The following MFAP5 variants were observed in gnomAD, a reference collection of about 807,000 sequenced individuals.
The protein encoded by MFAP5 is microfibrillar-associated protein 5.
Under a neutral mutation model 30.1 loss-of-function variants are expected in MFAP5, and 19 were observed. The observed-to-expected ratio is 0.63, with a 90% confidence interval of 0.44 to 0.93. The LOEUF is 0.93. Ranked by LOEUF, MFAP5 falls within the 40% of genes least tolerant of loss-of-function variation. MFAP5 has a pLI of 0.00. For missense variants in MFAP5, 210 were observed against 221.3 expected (o/e 0.95, Z 0.32); for synonymous variants, 92 against 72.9 (o/e 1.26, Z -1.33).
At chr12:8,657,103 C>G (rs1018362744) in intron 3 of MFAP5, among the ~76,000 whole-genome samples, 1 of 152,134 alleles carries the variant, frequency 6.6e-6, no homozygotes, top group Non-Finnish European at 1.5e-5. Flanking sequence ...ACTTTATACA[C>G]ATCTATCAAA....
intron 3 of MFAP5, among the ~76,000 whole-genome samples, chr12:8,659,811 A>G (rs2136481271): frequency 6.6e-6 from 1 of 152,364 alleles, no homozygotes; most frequent in South Asian, 2.1e-4. Flanking sequence ...CTTGCAAAAC[A>G]CATGCAATGC....
At chr12:8,659,134 C>A (rs377129217) in intron 3 of MFAP5, among the ~76,000 whole-genome samples, 7 of 151,774 alleles carry the variant, frequency 4.6e-5, no homozygotes, top group South Asian at 4.2e-4. Flanking sequence ...CACGGTGAAA[C>A]CCTGTCTCTA....
intron 3 of MFAP5, among the ~76,000 whole-genome samples, chr12:8,657,346 G>T (rs1217801258): frequency 7.2e-5 from 11 of 151,994 alleles, no homozygotes; most frequent in Middle Eastern, 3.4e-3. Flanking sequence ...TTGAACCCAG[G>T]AGGCAGAGGT....
rs115809803 is a variant in MFAP5, at chr12:8,650,223, A to G, written c.335+279T>C. 3.1e-3 allele frequency among the ~76,000 whole-genome samples: 479 copies of G among 152,148 alleles called. 1 individual carries two copies. Among genetic ancestry groups the G allele is most frequent in the African/African-American group, 0.011 (454 of 41,486 alleles). ...CCATTCTCTTCAGTCTCCTTCTATC[A>G]GGTAATAAATTGAGCATGCCAGTAT... On this transcript the variant is annotated intron_variant, in intron 8 of 9. Transcript: ENST00000359478.
At chr12:8,655,933 A>G (rs1941969752) in intron 3 of MFAP5, 103 bp from the exon 4 acceptor site, 1 of 935,202 alleles carries the variant, frequency 1.1e-6, no homozygotes, top group Non-Finnish European at 1.7e-6. Flanking sequence ...AGCGGAGTTG[A>G]GTATCCCACA....
chr12:8,649,590 T>G lies in MFAP5; in HGVS notation c.336-16A>C, dbSNP rs1015841546. The G allele has an allele frequency of 8.1e-6, 13 of 1,611,788 alleles. No individual in the cohort carries two copies. The highest frequency in any genetic ancestry group is 1.1e-5 in the Non-Finnish European group (13 of 1,178,218). On this transcript the variant is annotated splice_polypyrimidine_tract_variant and intron_variant, in intron 8 of 9. Coordinates refer to ENST00000359478, the MANE Select transcript of MFAP5 (RefSeq NM_003480.4). Reference sequence around the variant, plus strand: ...ACGTCGTAAACTGCAGACGTCCCAGTGTCATAGGCAAGGAAGGAGATGGAA... The same window carrying G: ...ACGTCGTAAACTGCAGACGTCCCAGGGTCATAGGCAAGGAAGGAGATGGAA...
intron 3 of MFAP5, among the ~76,000 whole-genome samples, chr12:8,656,737 C>T (rs151178890): frequency 6.7e-6 from 1 of 150,010 alleles, no homozygotes; most frequent in African/African-American, 2.5e-5. Context: ...CGCACGATCT[C>T]GGCTCACTGC....
chr12:8,651,481 T>G (rs1315020736), intron 7 of MFAP5, among the ~76,000 whole-genome samples, 181 bp downstream of exon 7: 4 of 152,170 alleles, frequency 2.6e-5, no homozygotes, highest in African/African-American at 4.8e-5. Flanking sequence ...TCCCCTTGAC[T>G]TTTATGACAG....
intron 6 of MFAP5, 105 bp from the exon 7 acceptor site, chr12:8,651,796 G>A: frequency 1.0e-6 from 1 of 974,302 alleles, no homozygotes; most frequent in Admixed American, 1.8e-5. Context: ...CCCATAAATA[G>A]GGAGCAAATG....
intron 6 of MFAP5, among the ~76,000 whole-genome samples, chr12:8,652,820 T>C (rs960519914): frequency 8.5e-5 from 13 of 152,304 alleles, no homozygotes; most frequent in African/African-American, 3.1e-4. Flanking sequence ...ACAGACTTAA[T>C]TATCTTTCCC....
In MFAP5 at chr12:8,662,685, C is replaced by T. The variant is rs922495385; in HGVS notation, c.-61G>A. On this transcript the variant is annotated 5_prime_UTR_variant, in exon 1 of 10. Coordinates refer to ENST00000359478, the MANE Select transcript of MFAP5 (RefSeq NM_003480.4). ...TTTGGCTGCTGAATGTGTCTCTCTC[C>T]TCTTACGCTGTTCCTACTTTGGCTG... 1 of 151,704 alleles carries T rather than the reference C, an allele frequency of 6.6e-6. No homozygotes were observed. Among genetic ancestry groups the T allele is most frequent in the African/African-American group, 2.5e-5 (1 of 40,120 alleles). The allele number at this position is 151,704 out of a possible 1,614,324, so 9.4% of individuals were successfully genotyped here.
chr12:8,651,031 G>C (rs750725777), intron 7 of MFAP5, among the ~76,000 whole-genome samples: 12 of 152,226 alleles, frequency 7.9e-5, no homozygotes, highest in African/African-American at 2.9e-4. Flanking sequence ...GCCAGGAGTG[G>C]TGGCAGTTGC....
At chr12:8,653,681 G>C (rs1941901928) in intron 6 of MFAP5, among the ~76,000 whole-genome samples, 1 of 152,072 alleles carries the variant, frequency 6.6e-6, no homozygotes, top group Non-Finnish European at 1.5e-5. Flanking sequence ...GTCTTCCATA[G>C]CTTCTCTTGC....
chr12:8,654,216 C>T (rs1941920004), intron 6 of MFAP5: 1 of 456,890 alleles, frequency 2.2e-6, no homozygotes, highest in Admixed American at 3.8e-5. Context: ...CTTGCCTTTA[C>T]CCATCAAGTC....
At chr12:8,657,607 TC>T (rs1399985250) in intron 3 of MFAP5, among the ~76,000 whole-genome samples, 2 of 141,854 alleles carry the variant, frequency 1.4e-5, no homozygotes, top group Non-Finnish European at 3.1e-5. Context: ...TCTCGCCCTA[TC>T]GCCCAGGCTG....
At position 8,646,630 on chromosome 12, in the gene MFAP5, A is replaced by G. The variant is rs1941687732; in HGVS notation, c.*1461T>C. ...GGAAATCTTAGAACTAAGAATATAT[A>G]TAATATATATATATATTTCTTAAGA... is the stretch of plus-strand genomic sequence containing the variant. On this transcript the variant is annotated 3_prime_UTR_variant, in exon 10 of 10. Coordinates refer to ENST00000359478, the MANE Select transcript of MFAP5 (RefSeq NM_003480.4). The G allele has an allele frequency of 6.6e-6, 1 of 151,344 alleles. No individual in the cohort carries two copies. The allele number at this position is 151,344 out of a possible 1,614,324, so 9.4% of individuals were successfully genotyped here.
chr12:8,651,162 A>G (rs112238607), intron 7 of MFAP5, among the ~76,000 whole-genome samples: 2,379 of 152,240 alleles, frequency 0.016, 56 homozygotes, highest in African/African-American at 0.054. Context: ...GTGAGACTCC[A>G]TCTCAGAAAA....
rs2136454225 is a variant in MFAP5 at position 8,646,000 on chromosome 12, T to C, written c.*2091A>G. Reference sequence around the variant, plus strand: ...TAAATTGGAAAAAAATATTTTAAAATGTTTAATTTGCAATATACATAATAC... The same window carrying C: ...TAAATTGGAAAAAAATATTTTAAAACGTTTAATTTGCAATATACATAATAC... On this transcript the variant is annotated 3_prime_UTR_variant, in exon 10 of 10. Coordinates refer to ENST00000359478, the MANE Select transcript of MFAP5 (RefSeq NM_003480.4). 6.5e-6 allele frequency: 1 copy of C among 152,752 alleles called. No individual in the cohort carries two copies. Among genetic ancestry groups the C allele is most frequent in the Non-Finnish European group, 1.5e-5 (1 of 68,046 alleles). The allele number at this position is 152,752 out of a possible 1,614,324, so 9.5% of individuals were successfully genotyped here.
intron 3 of MFAP5, among the ~76,000 whole-genome samples, chr12:8,658,972 C>G (rs1415234970): frequency 2.0e-5 from 3 of 149,940 alleles, no homozygotes; most frequent in East Asian, 3.9e-4. Flanking sequence ...CTAGGACAAC[C>G]AGCAAACCAC....
Sources: gnomAD v4.1 joint callset for allele counts (sites outside exome capture counted in the v4.1 genomes callset) on GRCh38, gnomAD v4.1.1 for gene constraint, MANE v1.5 for transcripts, NCBI Gene and HGNC (gene_info 2026-07-23, HGNC 2026-07-21) for gene names.